Variants in CADM2 observed in about 807,000 individuals in gnomAD.
CADM2 encodes the protein cell adhesion molecule 2.
A neutral mutation model predicts 49.8 loss-of-function variants in CADM2; 12 were observed. The ratio of observed to expected loss-of-function variants is 0.24; its 90% confidence interval spans 0.15 to 0.39. CADM2 has a LOEUF of 0.39. Among genes scored for constraint, CADM2 ranks in the 10% least tolerant of loss-of-function variants. The pLI is 1.00. For synonymous variants in CADM2, 214 were observed against 175.4 expected (o/e 1.22, Z -1.74); for missense variants, 378 against 492.3 (o/e 0.77, Z 2.20).
intron 1 of CADM2, among the ~76,000 whole-genome samples, chr3:85,221,400 T>C (rs1344193248): frequency 6.6e-6 from 1 of 152,118 alleles, no homozygotes; most frequent in Middle Eastern, 3.2e-3. Context: ...AGATGCTTCA[T>C]TGTTATTAAT....
At chr3:85,408,878 A>T (rs1235130747) in intron 1 of CADM2, among the ~76,000 whole-genome samples, 1 of 152,226 alleles carries the variant, frequency 6.6e-6, no homozygotes, top group African/African-American at 2.4e-5. Context: ...AAACAAGGGC[A>T]AAATATTAAA....
At chr3:85,659,828 C>T (rs1165811816) in intron 1 of CADM2, among the ~76,000 whole-genome samples, 2 of 152,072 alleles carry the variant, frequency 1.3e-5, no homozygotes, top group Admixed American at 1.3e-4. Context: ...TATTGAAGCT[C>T]CTGTGTAGGC....
chr3:85,292,195 C>A (rs2043819082), intron 1 of CADM2, among the ~76,000 whole-genome samples: 1 of 149,158 alleles, frequency 6.7e-6, no homozygotes, highest in African/African-American at 2.6e-5. Context: ...ACAAAGAAGG[C>A]CATTACATAA....
intron 1 of CADM2, among the ~76,000 whole-genome samples, chr3:85,083,494 A>G (rs1016507068): frequency 1.3e-5 from 2 of 152,126 alleles, no homozygotes; most frequent in Non-Finnish European, 2.9e-5. Flanking sequence ...TTTCACATAC[A>G]TGATCTTGAA....
At chr3:85,737,835 G>A (rs2068207497) in intron 2 of CADM2, among the ~76,000 whole-genome samples, 1 of 152,166 alleles carries the variant, frequency 6.6e-6, no homozygotes, top group African/African-American at 2.4e-5. Context: ...TGGGGTTACA[G>A]GCGTGAGCCA....
intron 1 of CADM2, among the ~76,000 whole-genome samples, chr3:85,258,803 G>A (rs934790369): frequency 1.3e-5 from 2 of 151,998 alleles, no homozygotes; most frequent in South Asian, 2.1e-4. Context: ...ACAATTAAAC[G>A]AAGAATGGAA....
intron 1 of CADM2, among the ~76,000 whole-genome samples, chr3:85,588,114 T>C (rs554851004): frequency 6.6e-6 from 1 of 152,100 alleles, no homozygotes; most frequent in Non-Finnish European, 1.5e-5. Context: ...TCCTGACTCA[T>C]TTCAGAAATA....
intron 1 of CADM2, among the ~76,000 whole-genome samples, chr3:85,003,022 C>T (rs2033544978): frequency 6.6e-6 from 1 of 152,078 alleles, no homozygotes; most frequent in Non-Finnish European, 1.5e-5. Context: ...TCTCAAACTC[C>T]TGGCCTCAAG....
At chr3:85,768,633 A>G (rs1379333050) in intron 2 of CADM2, among the ~76,000 whole-genome samples, 1 of 148,072 alleles carries the variant, frequency 6.8e-6, no homozygotes, top group African/African-American at 2.5e-5. Flanking sequence ...CCAGTTTGAA[A>G]ATTATTTTTA....
chr3:85,957,645 C>T (rs1241064616), intron 7 of CADM2, among the ~76,000 whole-genome samples: 2 of 151,790 alleles, frequency 1.3e-5, no homozygotes, highest in Non-Finnish European at 2.9e-5. Context: ...CTCAGTCCCA[C>T]AAGATTGCCT....
At chr3:85,637,407 C>T (rs2107539625) in intron 1 of CADM2, among the ~76,000 whole-genome samples, 1 of 149,726 alleles carries the variant, frequency 6.7e-6, no homozygotes, top group South Asian at 2.1e-4. Flanking sequence ...TCGAGACCAT[C>T]CTGGCTAACA....
At chr3:85,930,189 C>T (rs1306082747) in intron 6 of CADM2, among the ~76,000 whole-genome samples, 1 of 152,078 alleles carries the variant, frequency 6.6e-6, no homozygotes, top group South Asian at 2.1e-4. Flanking sequence ...ACATGTAGTA[C>T]TTGCATTAAA....
intron 1 of CADM2, among the ~76,000 whole-genome samples, chr3:85,404,496 T>C (rs987768749): frequency 3.3e-5 from 5 of 152,128 alleles, no homozygotes; most frequent in African/African-American, 7.2e-5. Context: ...GTGGAAAACA[T>C]ATTCAATGCT....
intron 1 of CADM2, among the ~76,000 whole-genome samples, chr3:85,659,842 A>C (rs1423869176): frequency 3.3e-5 from 5 of 152,182 alleles, no homozygotes; most frequent in Non-Finnish European, 5.9e-5. Flanking sequence ...TGTAGGCCAC[A>C]CTCTGAGTAG....
chr3:85,593,184 TA>T (rs2063153281), intron 1 of CADM2, among the ~76,000 whole-genome samples: 2 of 151,732 alleles, frequency 1.3e-5, no homozygotes, highest in Non-Finnish European at 2.9e-5. Flanking sequence ...TATTTTATTT[TA>T]TTTTATTATA....
intron 1 of CADM2, among the ~76,000 whole-genome samples, chr3:85,572,822 C>A (rs1320987884): frequency 6.6e-6 from 1 of 152,104 alleles, no homozygotes; most frequent in South Asian, 2.1e-4. Context: ...TTGGATGGTG[C>A]CCTACCACAC....
intron 8 of CADM2, among the ~76,000 whole-genome samples, chr3:86,063,282 T>C (rs1738910855): frequency 6.6e-6 from 1 of 152,124 alleles, no homozygotes; most frequent in South Asian, 2.1e-4. Context: ...GCATACACAA[T>C]ACACATGATA....
At chr3:85,726,131 G>A (rs999099182) in intron 1 of CADM2, among the ~76,000 whole-genome samples, 1 of 151,954 alleles carries the variant, frequency 6.6e-6, no homozygotes, top group African/African-American at 2.4e-5. Flanking sequence ...TGCTTTTCTA[G>A]TTACTCAAAT....
At chr3:85,019,356 G>A (rs1394641196) in intron 1 of CADM2, among the ~76,000 whole-genome samples, 1 of 152,128 alleles carries the variant, frequency 6.6e-6, no homozygotes, top group East Asian at 1.9e-4. Context: ...GGTGGTGCAT[G>A]CCTGTTGTCC....
Sources: allele counts gnomAD v4.1 joint callset (sites outside exome capture counted in the v4.1 genomes callset), GRCh38; gene constraint gnomAD v4.1.1; transcripts MANE v1.5; gene names NCBI Gene and HGNC (gene_info 2026-07-23, HGNC 2026-07-21).